CCDC172: variants seen among roughly 807,000 people sequenced by gnomAD.
CCDC172 encodes the protein coiled-coil domain containing 172.
CCDC172 carries 30 observed loss-of-function variants against 38.0 expected under a neutral mutation model. That is an observed-to-expected ratio of 0.79 (90% CI 0.59 to 1.07). The LOEUF is 1.07. Ranked by LOEUF, CCDC172 falls within the 50% of genes least tolerant of loss-of-function variation. The pLI is 0.00. For synonymous variants in CCDC172, 78 were observed against 88.3 expected (o/e 0.88, Z 0.66); for missense variants, 297 against 290.1 (o/e 1.02, Z -0.17).
intron 7 of CCDC172, among the ~76,000 whole-genome samples, chr10:116,364,826 A>G (rs902888139): frequency 3.3e-5 from 5 of 152,312 alleles, no homozygotes; most frequent in African/African-American, 1.2e-4. Flanking sequence ...TGTCCTTTCT[A>G]CTTTAAATAG....
intron 5 of CCDC172, 84 bp downstream of exon 5, chr10:116,342,285 T>C: frequency 8.3e-7 from 1 of 1,207,844 alleles, no homozygotes; most frequent in Non-Finnish European, 1.1e-6. Context: ...AATTTAACTT[T>C]TTCATGAGCA....
chr10:116,371,759 T>A (rs1310114944), intron 7 of CCDC172, among the ~76,000 whole-genome samples: 1 of 152,056 alleles, frequency 6.6e-6, no homozygotes, highest in Admixed American at 6.6e-5. Context: ...GACTATAACA[T>A]TTAAAGACAA....
At chr10:116,331,982 G>C (rs1404671136) in intron 3 of CCDC172, among the ~76,000 whole-genome samples, 2 of 152,108 alleles carry the variant, frequency 1.3e-5, no homozygotes, top group Admixed American at 6.6e-5. Context: ...TGCATCTCTA[G>C]GGCAACAGGT....
chr10:116,354,915 AC>A (rs1844976669), intron 5 of CCDC172, among the ~76,000 whole-genome samples: 2 of 152,186 alleles, frequency 1.3e-5, no homozygotes, highest in Non-Finnish European at 2.9e-5. Context: ...TTCGTTTTTT[AC>A]AAAAAAAGTT....
intron 3 of CCDC172, among the ~76,000 whole-genome samples, chr10:116,334,796 G>T (rs530195861): frequency 8.6e-4 from 130 of 151,970 alleles, no homozygotes; most frequent in African/African-American, 2.9e-3. Flanking sequence ...TTTTTAAATT[G>T]TCCTCCAGAA....
chr10:116,348,305 T>C (rs1844890720), intron 5 of CCDC172, among the ~76,000 whole-genome samples: 1 of 152,124 alleles, frequency 6.6e-6, no homozygotes, highest in South Asian at 2.1e-4. Flanking sequence ...TGCTCTTCCA[T>C]TCCCACTTCT....
intron 7 of CCDC172, among the ~76,000 whole-genome samples, chr10:116,376,359 T>C (rs1845243696): frequency 6.6e-6 from 1 of 152,144 alleles, no homozygotes; most frequent in Non-Finnish European, 1.5e-5. Flanking sequence ...GGGAGAGCAA[T>C]GTTGTTCCTC....
At chr10:116,358,219 A>G (rs1845023475) in intron 7 of CCDC172, among the ~76,000 whole-genome samples, 1 of 151,934 alleles carries the variant, frequency 6.6e-6, no homozygotes, top group African/African-American at 2.4e-5. Flanking sequence ...AGATAAGACA[A>G]CTCTCCTTTC....
chr10:116,351,276 G>C (rs190395022), intron 5 of CCDC172, among the ~76,000 whole-genome samples: 3 of 152,012 alleles, frequency 2.0e-5, no homozygotes, highest in African/African-American at 7.2e-5. Flanking sequence ...ATATTAATAT[G>C]TAGTTATATT....
intron 5 of CCDC172, among the ~76,000 whole-genome samples, chr10:116,350,966 A>G (rs957051043): frequency 6.6e-6 from 1 of 152,172 alleles, no homozygotes; most frequent in Non-Finnish European, 1.5e-5. Flanking sequence ...CACCACAAAC[A>G]CAGTGTTTAC....
At position 116,352,966 on chromosome 10, in the gene CCDC172, G is replaced by A. The variant is rs534850993; in HGVS notation, c.449-4414G>A. The stretch of plus-strand genomic sequence containing the variant: ...CCCAGTACTTTGGGAGGCCAAGGCG[G>A]GTGGATCACGAGGTCAGGAGATCAA... On this transcript the variant is annotated intron_variant, in intron 5 of 8. Transcript: ENST00000333254. Among the ~76,000 whole-genome samples, 6 of 152,136 alleles carry A rather than the reference G, an allele frequency of 3.9e-5. No individual in the cohort carries two copies. The Middle Eastern group carries it at 0.01, about 262-fold the overall frequency.
At chr10:116,330,010 G>A (rs1844640251) in intron 3 of CCDC172, among the ~76,000 whole-genome samples, 1 of 152,160 alleles carries the variant, frequency 6.6e-6, no homozygotes, top group African/African-American at 2.4e-5. Context: ...GTGTGCAGTT[G>A]TTTGAGATGC....
chr10:116,329,820 A>G (rs1207580330), intron 3 of CCDC172, among the ~76,000 whole-genome samples: 1 of 152,220 alleles, frequency 6.6e-6, no homozygotes, highest in African/African-American at 2.4e-5. Context: ...ATGCACTCTC[A>G]GTAAGAAAAC....
In CCDC172 at chr10:116,344,265, G is replaced by A. The variant is rs545843414; in HGVS notation, c.448+2064G>A. Among the ~76,000 whole-genome samples, 12 of 152,250 alleles carry A rather than the reference G, an allele frequency of 7.9e-5. No individual in the cohort carries two copies. The South Asian group carries it at 8.3e-4, about 11-fold the overall frequency. ...AAATGCATTCTTAGTCAGTATCATC[G>A]TGTGAACATCATAGATTGTACTTAC... On this transcript the variant is annotated intron_variant, in intron 5 of 8. Coordinates refer to ENST00000333254, the MANE Select transcript of CCDC172 (RefSeq NM_198515.3).
intron 3 of CCDC172, among the ~76,000 whole-genome samples, chr10:116,337,207 G>T (rs1386882610): frequency 6.6e-6 from 1 of 150,572 alleles, no homozygotes; most frequent in East Asian, 2.0e-4. Flanking sequence ...AGGCTGGAGT[G>T]CAGTGGCACA....
chr10:116,371,577 A>G (rs775124142), intron 7 of CCDC172, among the ~76,000 whole-genome samples: 3 of 152,052 alleles, frequency 2.0e-5, no homozygotes, highest in Non-Finnish European at 4.4e-5. Flanking sequence ...TGTTTTCCTT[A>G]TATCTTCATA....
chr10:116,330,449 C>G (rs1297247902), intron 3 of CCDC172, among the ~76,000 whole-genome samples: 1 of 152,148 alleles, frequency 6.6e-6, no homozygotes, highest in Non-Finnish European at 1.5e-5. Context: ...AGTTACAAAA[C>G]TGTGCATAGA....
At chr10:116,356,956 C>A (rs947492158) in intron 5 of CCDC172, among the ~76,000 whole-genome samples, 21 of 152,112 alleles carry the variant, frequency 1.4e-4, no homozygotes, top group African/African-American at 4.8e-4. Context: ...TACTAGTTGG[C>A]CAGGGGAAGC....
At chr10:116,366,427 T>A (rs1845123225) in intron 7 of CCDC172, among the ~76,000 whole-genome samples, 5 of 152,222 alleles carry the variant, frequency 3.3e-5, no homozygotes, top group African/African-American at 1.2e-4. Context: ...GCATTTATCA[T>A]CTAACCTATA....
Sources: allele counts gnomAD v4.1 joint callset (sites outside exome capture counted in the v4.1 genomes callset), GRCh38; gene constraint gnomAD v4.1.1; transcripts MANE v1.5; gene names NCBI Gene and HGNC (gene_info 2026-07-23, HGNC 2026-07-21).